NIPAL1: variants seen among roughly 807,000 people sequenced by gnomAD.
NIPAL1 encodes magnesium transporter NIPA3.
A neutral mutation model predicts 37.7 loss-of-function variants in NIPAL1; 35 were observed. That is an observed-to-expected ratio of 0.93 (90% CI 0.71 to 1.23). The LOEUF is 1.23. Among genes scored for constraint, NIPAL1 ranks in the 50% most tolerant of loss-of-function variants. NIPAL1 has a pLI of 0.00. For synonymous variants in NIPAL1, 162 were observed against 183.0 expected (o/e 0.89, Z 0.93); for missense variants, 412 against 473.9 (o/e 0.87, Z 1.21).
Position 48,038,563 on chromosome 4 carries a change from G to A in NIPAL1, c.*2391G>A, listed in dbSNP as rs1265144886. ...TTCAAGGCTGCAGTAAGTTATGATT[G>A]TGCCACTGCATTCCAGCCTGGGTGA... On this transcript the variant is annotated 3_prime_UTR_variant, in exon 6 of 6. Transcript: ENST00000295461. 6.6e-6 allele frequency: 1 copy of A among 152,194 alleles called. No individual in the cohort carries two copies. Among genetic ancestry groups the A allele is most frequent in the Non-Finnish European group, 1.5e-5 (1 of 68,040 alleles). The allele number at this position is 152,194 out of a possible 1,614,324, so 9.4% of individuals were successfully genotyped here.
intron 4 of NIPAL1, among the ~76,000 whole-genome samples, chr4:48,034,011 G>T (rs973336735): frequency 7.9e-5 from 12 of 152,196 alleles, no homozygotes; most frequent in African/African-American, 2.9e-4. Context: ...GCAACTCTAG[G>T]AAAGTACCTG....
Position 48,036,543 on chromosome 4 carries a change from G to C in NIPAL1, c.*371G>C. ...ATATACAGTTAGCAGTGTTCTGATA[G>C]ACACAGTATCAGTCATATTCTCCGT... On this transcript the variant is annotated 3_prime_UTR_variant, in exon 6 of 6. Coordinates refer to ENST00000295461, the MANE Select transcript of NIPAL1 (RefSeq NM_207330.3). The C allele has an allele frequency of 4.6e-6, 1 of 216,034 alleles. No individual in the cohort carries two copies. Among genetic ancestry groups the C allele is most frequent in the South Asian group, 7.7e-5 (1 of 13,028 alleles). The allele number at this position is 216,034 out of a possible 1,614,324, so 13.4% of individuals were successfully genotyped here.
At position 48,035,928 on chromosome 4, in the gene NIPAL1, A is replaced by G. The variant is rs141092287; in HGVS notation, c.989A>G (p.Tyr330Cys). ...TCTGCCATCTTATTCCAAGAGTGGT[A>G]TGGCATGACAGCTGGAGATATCATT... ...TCSAILFQEW[Y>C]GMTAGDIIGT... is the part of the protein sequence containing the mutation. Residue 330 changes from tyrosine (Y) to cysteine (C), a missense_variant, in exon 6 of 6, where the codon TAT becomes TGT. By Grantham distance (194) the Tyr-to-Cys change is radical (BLOSUM62 -2). Transcript: ENST00000295461. 2.7e-5 allele frequency: 44 copies of G among 1,614,016 alleles called. 1 individual carries two copies. The Admixed American group carries it at 4.8e-4, about 18-fold the overall frequency.
chr4:48,032,348 A>G, intron 3 of NIPAL1, among the ~76,000 whole-genome samples: 1 of 152,212 alleles, frequency 6.6e-6, no homozygotes. Flanking sequence ...CTCACTCTAG[A>G]AGTTATTTAT....
At chr4:48,030,214 G>T in intron 3 of NIPAL1, 38 bp downstream of exon 3, 1 of 1,218,136 alleles carries the variant, frequency 8.2e-7, no homozygotes, top group Non-Finnish European at 1.2e-6. Context: ...TTATTTGTAA[G>T]ATAGTAAATA....
intron 2 of NIPAL1, among the ~76,000 whole-genome samples, chr4:48,029,847 G>A (rs1715782067): frequency 1.3e-5 from 2 of 152,010 alleles, no homozygotes; most frequent in South Asian, 2.1e-4. Flanking sequence ...AATGCGTAGG[G>A]AGGTTCGTGA....
chr4:48,038,909 A>G lies in NIPAL1; in HGVS notation c.*2737A>G, dbSNP rs1182412665. On this transcript the variant is annotated 3_prime_UTR_variant, in exon 6 of 6. Coordinates refer to ENST00000295461, the MANE Select transcript of NIPAL1 (RefSeq NM_207330.3). ...GACAGGAAATTGAACTGATGTTGAC[A>G]TGTATGCATGCCCAGGAGGAAGACT... is the stretch of plus-strand genomic sequence containing the variant. 6.6e-6 allele frequency: 1 copy of G among 152,224 alleles called. No individual in the cohort carries two copies. The highest frequency in any genetic ancestry group is 1.5e-5 in the Non-Finnish European group (1 of 68,046). The allele number at this position is 152,224 out of a possible 1,614,324, so 9.4% of individuals were successfully genotyped here.
Position 48,016,895 on chromosome 4 carries a change from T to A in NIPAL1, c.46+10T>A. 1 of 1,595,764 alleles carries A rather than the reference T, an allele frequency of 6.3e-7. No individual in the cohort carries two copies. Among genetic ancestry groups the A allele is most frequent in the Non-Finnish European group, 8.5e-7 (1 of 1,173,008 alleles). ...GAGCCCTGCCGAGAAGGTTTGTGTC[T>A]GCCCTGAGCCGAGGGACCTGGCAGC... On this transcript the variant is annotated intron_variant, in intron 1 of 5. Transcript: ENST00000295461.
chr4:48,034,123 T>G (rs1715875019), intron 4 of NIPAL1, among the ~76,000 whole-genome samples: 1 of 152,144 alleles, frequency 6.6e-6, no homozygotes, highest in African/African-American at 2.4e-5. Context: ...CCACAGCAAC[T>G]GAAGCATTAG....
chr4:48,034,517 A>G (rs958628207), intron 4 of NIPAL1, among the ~76,000 whole-genome samples: 1 of 152,188 alleles, frequency 6.6e-6, no homozygotes, highest in Non-Finnish European at 1.5e-5. Context: ...TCTTGGAAAC[A>G]TCCATGGGCA....
rs1167277098 is a variant in NIPAL1, at chr4:48,036,130, A to T, written c.1191A>T (p.Gly397=). The change falls in exon 6 of 6, where the codon GGA becomes GGT. Residue 397 remains glycine, a synonymous_variant. Coordinates refer to ENST00000295461, the MANE Select transcript of NIPAL1 (RefSeq NM_207330.3). The part of the protein sequence containing the change: ...LLENLECSAP[G]YNDDVTLFSR... ...AGAACTTGGAGTGTTCAGCCCCAGG[A>T]TACAATGATGACGTTACCTTGTTTA... 6.2e-7 allele frequency: 1 copy of T among 1,609,012 alleles called. No homozygotes were observed. The highest frequency in any genetic ancestry group is 1.1e-5 in the South Asian group (1 of 89,872).
intron 1 of NIPAL1, among the ~76,000 whole-genome samples, chr4:48,024,572 T>C (rs1715646777): frequency 6.6e-6 from 1 of 152,232 alleles, no homozygotes; most frequent in Non-Finnish European, 1.5e-5. Context: ...TGAGTTACCA[T>C]GCCCAGCGAA....
chr4:48,021,679 T>C (rs1264089989), intron 1 of NIPAL1, among the ~76,000 whole-genome samples: 4 of 152,204 alleles, frequency 2.6e-5, no homozygotes, highest in Non-Finnish European at 4.4e-5. Context: ...TCATGCATCA[T>C]GTTTTGATGA....
Position 48,034,952 on chromosome 4 carries a change from T to C in NIPAL1, c.533T>C (p.Ile178Thr), listed in dbSNP as rs763027597. The change falls in exon 5 of 6, where the codon ATA (isoleucine) becomes ACA (threonine). Residue 178 changes from isoleucine (I) to threonine (T), a missense_variant. By Grantham distance (89) the Ile-to-Thr change is moderately conservative. Coordinates refer to ENST00000295461, the MANE Select transcript of NIPAL1 (RefSeq NM_207330.3). ...GGGAAAATAGGCTGCATATTAAGTA[T>C]ATTGGGGTCAACTGTGATGGTTATC... ...IHGKIGCILS[I>T]LGSTVMVIHA... The C allele has an allele frequency of 8.7e-6, 14 of 1,612,010 alleles. 1 individual carries two copies. In the South Asian group the frequency reaches 1.5e-4, roughly 18 times the overall value.
At chr4:48,030,527 A>G (rs1189769178) in intron 3 of NIPAL1, among the ~76,000 whole-genome samples, 1 of 152,138 alleles carries the variant, frequency 6.6e-6, no homozygotes, top group African/African-American at 2.4e-5. Flanking sequence ...AATTAGAACA[A>G]CTATTGTAGC....
intron 1 of NIPAL1, among the ~76,000 whole-genome samples, 198 bp downstream of exon 1, chr4:48,017,083 G>A (rs1424592232): frequency 6.6e-6 from 1 of 152,246 alleles, no homozygotes; most frequent in Non-Finnish European, 1.5e-5. Context: ...AGGCGATTCG[G>A]GCTGTGCTGG....
At position 48,038,538 on chromosome 4, in the gene NIPAL1, T is replaced by C. The variant is rs1393409132; in HGVS notation, c.*2366T>C. On this transcript the variant is annotated 3_prime_UTR_variant, in exon 6 of 6. Transcript: ENST00000295461. ...CAGGAGGATCATTTGAGCTTAGGAG[T>C]TCAAGGCTGCAGTAAGTTATGATTG... 6.6e-6 allele frequency: 1 copy of C among 151,930 alleles called. No homozygotes were observed. Among genetic ancestry groups the C allele is most frequent in the Non-Finnish European group, 1.5e-5 (1 of 67,988 alleles). The allele number at this position is 151,930 out of a possible 1,614,324, so 9.4% of individuals were successfully genotyped here. A position where few individuals can be genotyped will look rare whatever the true frequency, so the allele number is the denominator to read the frequency against.
intron 1 of NIPAL1, 49 bp downstream of exon 1, chr4:48,016,934 GA>G (rs1425394993): frequency 2.0e-6 from 3 of 1,528,024 alleles, no homozygotes; most frequent in South Asian, 2.4e-5. Context: ...GTGGCGAAGA[GA>G]CCGGGTGGGC....
rs192476409 is a variant in NIPAL1 at position 48,030,702 on chromosome 4, A to T, written c.370+526A>T. On this transcript the variant is annotated intron_variant, in intron 3 of 5. Transcript: ENST00000295461. ...TGAGGATTAAACGAGACTTTACAGG[A>T]TCTGAAAGCACTTTCTAAATGCTAA... Among the ~76,000 whole-genome samples, 9 of 152,330 alleles carry T rather than the reference A, an allele frequency of 5.9e-5. No homozygotes were observed. In the East Asian group the frequency reaches 1.7e-3, roughly 29 times the overall value.
Sources: gnomAD v4.1 joint callset for allele counts (sites outside exome capture counted in the v4.1 genomes callset) on GRCh38, gnomAD v4.1.1 for gene constraint, MANE v1.5 for transcripts, NCBI Gene and HGNC (gene_info 2026-07-23, HGNC 2026-07-21) for gene names.